MYO10: variants seen among roughly 807,000 people sequenced by gnomAD.
MYO10 encodes the protein unconventional myosin-X.
MYO10 carries 133 observed loss-of-function variants against 257.3 expected under a neutral mutation model. The observed-to-expected ratio is 0.52, with a 90% CI of 0.45 to 0.60. MYO10 has a LOEUF of 0.60. Among genes scored for constraint, MYO10 ranks in the 20% least tolerant of loss-of-function variants. MYO10 has a pLI of 0.00. For missense variants in MYO10, 2,399 were observed against 2,635.7 expected (o/e 0.91, Z 1.97); for synonymous variants, 1,104 against 1,028.6 (o/e 1.07, Z -1.40).
At chr5:16,927,215 A>G (rs1231717661) in intron 1 of MYO10, among the ~76,000 whole-genome samples, 1 of 148,396 alleles carries the variant, frequency 6.7e-6, no homozygotes, top group South Asian at 2.2e-4. Context: ...AGAAACATAT[A>G]TATGAAGGCA....
rs1294597320 is a variant in MYO10, at chr5:16,721,297, G to C, written c.1930-10052C>G. Among the ~76,000 whole-genome samples, 5 of 152,116 alleles carry C rather than the reference G, an allele frequency of 3.3e-5. No homozygotes were observed. The East Asian group carries it at 9.6e-4, about 29-fold the overall frequency. The stretch of plus-strand genomic sequence containing the variant: ...GCTACAATAAACTCTCAAGAGTGGT[G>C]AATAAATATTCTCAGATAAGAAGTT... On this transcript the variant is annotated intron_variant, in intron 19 of 40. Transcript: ENST00000513610.
chr5:16,748,991 G>C (rs142621174), intron 19 of MYO10, among the ~76,000 whole-genome samples: 117 of 152,214 alleles, frequency 7.7e-4, no homozygotes, highest in African/African-American at 2.6e-3. Context: ...GTGTCTCGGG[G>C]TAGAGACAGA....
chr5:16,746,864 A>G (rs1560962657), intron 19 of MYO10, among the ~76,000 whole-genome samples: 1 of 152,340 alleles, frequency 6.6e-6, no homozygotes, highest in East Asian at 1.9e-4. Context: ...CATGGCAATA[A>G]ATAATGTTTG....
At chr5:16,731,092 C>G (rs1739565062) in intron 19 of MYO10, among the ~76,000 whole-genome samples, 2 of 150,704 alleles carry the variant, frequency 1.3e-5, no homozygotes, top group African/African-American at 4.9e-5. Flanking sequence ...GTCGCCCAGG[C>G]TGGAGTGCAG....
At chr5:16,881,730 A>G (rs1263454542) in intron 1 of MYO10, among the ~76,000 whole-genome samples, 1 of 152,138 alleles carries the variant, frequency 6.6e-6, no homozygotes, top group African/African-American at 2.4e-5. Flanking sequence ...CAATCTTTCT[A>G]CTTCCACTCT....
At chr5:16,738,750 G>C (rs1739903319) in intron 19 of MYO10, among the ~76,000 whole-genome samples, 1 of 151,892 alleles carries the variant, frequency 6.6e-6, no homozygotes, top group Non-Finnish European at 1.5e-5. Flanking sequence ...AATTAGCTGG[G>C]CGTGGTGGTG....
chr5:16,671,301 T>G, intron 38 of MYO10, 121 bp downstream of exon 38: 1 of 1,265,878 alleles, frequency 7.9e-7, no homozygotes, highest in South Asian at 1.5e-5. Flanking sequence ...GGTCTTGTCT[T>G]TGCTGGGAAA....
intron 19 of MYO10, among the ~76,000 whole-genome samples, chr5:16,734,775 A>T (rs1290934693): frequency 6.6e-6 from 1 of 151,250 alleles, no homozygotes; most frequent in Non-Finnish European, 1.5e-5. Flanking sequence ...ATTGCACTCC[A>T]GCCTGGGTGA....
chr5:16,827,544 C>T (rs116614285), intron 2 of MYO10, among the ~76,000 whole-genome samples: 3,742 of 152,292 alleles, frequency 0.025, 62 homozygotes, highest in Middle Eastern at 0.051. Flanking sequence ...ACCCTGGCTT[C>T]CCAAAGTGTT....
At chr5:16,793,252 A>G (rs1171358026) in intron 4 of MYO10, among the ~76,000 whole-genome samples, 1 of 152,228 alleles carries the variant, frequency 6.6e-6, no homozygotes, top group Non-Finnish European at 1.5e-5. Flanking sequence ...AATAATTAAC[A>G]AACTCCAACA....
intron 3 of MYO10, among the ~76,000 whole-genome samples, chr5:16,807,076 A>G (rs889182601): frequency 6.6e-6 from 1 of 152,226 alleles, no homozygotes; most frequent in Non-Finnish European, 1.5e-5. Flanking sequence ...GCTAAAGGGA[A>G]GAGTTGTTAA....
chr5:16,749,468 CAG>C (rs1181649616), intron 19 of MYO10, among the ~76,000 whole-genome samples: 2 of 144,268 alleles, frequency 1.4e-5, no homozygotes, highest in South Asian at 2.2e-4. Flanking sequence ...GCCTGGGTGA[CAG>C]AGAGACTCCA....
intron 29 of MYO10, 39 bp from the exon 30 acceptor site, chr5:16,683,974 C>G (rs1737126424): frequency 1.9e-6 from 3 of 1,594,492 alleles, no homozygotes; most frequent in Admixed American, 3.4e-5. Context: ...GAGAGAAGCA[C>G]TAAAGTAGGG....
intron 17 of MYO10, among the ~76,000 whole-genome samples, 191 bp downstream of exon 17, chr5:16,761,273 G>A (rs1015171109): frequency 6.6e-6 from 1 of 152,130 alleles, no homozygotes; most frequent in African/African-American, 2.4e-5. Context: ...TTACAGGCGT[G>A]AGCCACCATG....
chr5:16,704,494 T>A (rs1738239137), intron 22 of MYO10, 85 bp downstream of exon 22: 1 of 1,207,118 alleles, frequency 8.3e-7, no homozygotes, highest in Admixed American at 2.1e-5. Context: ...TTCAAAAACC[T>A]CAGGCCACTC....
intron 1 of MYO10, among the ~76,000 whole-genome samples, chr5:16,882,662 A>G (rs963005175): frequency 6.6e-6 from 1 of 152,182 alleles, no homozygotes; most frequent in Non-Finnish European, 1.5e-5. Context: ...AAGGCTACAT[A>G]TTGTGTGGTT....
At chr5:16,925,826 C>G (rs116248958) in intron 1 of MYO10, among the ~76,000 whole-genome samples, 1 of 152,126 alleles carries the variant, frequency 6.6e-6, no homozygotes, top group Admixed American at 6.6e-5. Context: ...ACATAGACTG[C>G]CTGGTTATCT....
chr5:16,757,074 G>A (rs1013946573), intron 18 of MYO10, among the ~76,000 whole-genome samples: 6 of 147,818 alleles, frequency 4.1e-5, no homozygotes, highest in African/African-American at 1.3e-4. Flanking sequence ...AGCTGAGATC[G>A]TGCCATTGCA....
chr5:16,882,601 C>T (rs1744786254), intron 1 of MYO10, among the ~76,000 whole-genome samples: 2 of 151,920 alleles, frequency 1.3e-5, no homozygotes, highest in Non-Finnish European at 2.9e-5. Context: ...ATACATTCAC[C>T]AACAAAGATG....
Sources: allele counts gnomAD v4.1 joint callset (sites outside exome capture counted in the v4.1 genomes callset), GRCh38; gene constraint gnomAD v4.1.1; transcripts MANE v1.5; gene names NCBI Gene and HGNC (gene_info 2026-07-23, HGNC 2026-07-21).